IFT88: variants seen among roughly 807,000 people sequenced by gnomAD.
IFT88 encodes intraflagellar transport protein 88 homolog.
A neutral mutation model predicts 119.5 loss-of-function variants in IFT88; 74 were observed. The observed-to-expected ratio is 0.62, with a 90% CI of 0.51 to 0.75. IFT88 has a LOEUF of 0.75. Ranked by LOEUF, IFT88 falls within the 30% of genes least tolerant of loss-of-function variation. IFT88 has a pLI of 0.00. For synonymous variants in IFT88, 279 were observed against 316.7 expected, an observed-to-expected ratio of 0.88 and a Z score of 1.26; for missense variants, 961 against 977.7, an observed-to-expected ratio of 0.98 and a Z score of 0.23.
intron 13 of IFT88, among the ~76,000 whole-genome samples, chr13:20,608,797 A>C (rs1397509991): frequency 1.3e-5 from 2 of 152,218 alleles, no homozygotes; most frequent in Non-Finnish European, 2.9e-5. Context: ...TGCAATTAGC[A>C]TCCAATTCTT....
At chr13:20,630,206 A>G (rs997725024) in intron 15 of IFT88, among the ~76,000 whole-genome samples, 3 of 152,098 alleles carry the variant, frequency 2.0e-5, no homozygotes, top group African/African-American at 7.2e-5. Context: ...ATGCTCCCGT[A>G]AGTCTCTTGT....
rs759466614 is a variant in IFT88 at position 20,638,443 on chromosome 13, T to C, written c.1498T>C (p.Tyr500His). The change falls in exon 17 of 26, where the codon TAT becomes CAT. Residue 500 changes from tyrosine to histidine, a missense_variant. Transcript: ENST00000351808. ...KGNTVFANGD[Y>H]EKAAEFYKEA... is the part of the protein sequence containing the mutation. ...GAATACAGTTTTTGCAAATGGTGAT[T>C]ATGAGAAGGCCGCTGAATTCTATAA... is the stretch of plus-strand genomic sequence containing the variant. 25 of 1,532,408 alleles carry C rather than the reference T, an allele frequency of 1.6e-5. 1 individual carries two copies. In the East Asian group the frequency reaches 5.4e-4, roughly 33 times the overall value. The allele number at this position is 1,532,408 out of a possible 1,614,324, so 94.9% of individuals were successfully genotyped here. A position where few individuals can be genotyped will look rare whatever the true frequency, so the allele number is the denominator to read the frequency against.
At position 20,626,043 on chromosome 13, in the gene IFT88, C is replaced by CTTTTTTTTTTTTTTT. The variant is rs528587128; in HGVS notation, c.1299+215_1299+229dup. ...ATTAATTTTTGCCTGTTTGTCGTTT[C>CTTTTTTTTTTTTTTT]TTTTTTTTTTTTTTTTTTTTTTTTT... On this transcript the variant is annotated intron_variant, in intron 15 of 25. Coordinates refer to ENST00000351808, the MANE Select transcript of IFT88 (RefSeq NM_006531.5). 1.0e-4 allele frequency among the ~76,000 whole-genome samples: 4 copies of CTTTTTTTTTTTTTTT among 39,574 alleles called. 1 individual carries two copies. Among genetic ancestry groups the CTTTTTTTTTTTTTTT allele is most frequent in the African/African-American group, 4.7e-4 (4 of 8,582 alleles). The allele number at this position is 39,574 out of a possible 152,430, so 26.0% of individuals were successfully genotyped here.
intron 22 of IFT88, among the ~76,000 whole-genome samples, chr13:20,661,786 T>G (rs1468656658): frequency 1.3e-5 from 2 of 152,128 alleles, no homozygotes; most frequent in South Asian, 4.1e-4. Flanking sequence ...AATTAAATTT[T>G]AGGAATGTTT....
Position 20,671,935 on chromosome 13 carries a change from A to C in IFT88, c.2242+896A>C, listed in dbSNP as rs146479969. ...TTAGGCAGGCCTTTCATCCATTCACAGTGTTTATTGGATGCATACTGTGTG... is the reference window on the plus strand; with the variant it reads ...TTAGGCAGGCCTTTCATCCATTCACCGTGTTTATTGGATGCATACTGTGTG... On this transcript the variant is annotated intron_variant, in intron 24 of 25. Transcript: ENST00000351808. Among the ~76,000 whole-genome samples the C allele has an allele frequency of 1.0e-2, 1,519 of 152,264 alleles. 25 individuals are homozygous for C. Among genetic ancestry groups the C allele is most frequent in the African/African-American group, 0.034 (1,427 of 41,554 alleles).
intron 3 of IFT88, among the ~76,000 whole-genome samples, chr13:20,587,901 A>G (rs1011495382): frequency 6.6e-6 from 1 of 151,562 alleles, no homozygotes; most frequent in Non-Finnish European, 1.5e-5. Flanking sequence ...TATTTTTTTA[A>G]TAGTCTAACA....
Position 20,690,709 on chromosome 13 carries a change from T to C in IFT88, c.2247T>C (p.Ser749=). The C allele has an allele frequency of 6.2e-7, 1 of 1,605,072 alleles. No individual in the cohort carries two copies. Among genetic ancestry groups the C allele is most frequent in the Non-Finnish European group, 8.5e-7 (1 of 1,172,088 alleles). The change falls in exon 25 of 26, where the codon AGT becomes AGC. Residue 749 remains serine (S), a synonymous_variant. Coordinates refer to ENST00000351808, the MANE Select transcript of IFT88 (RefSeq NM_006531.5). ...GKREGSASGD[S]GQNYSASSKG... ...TTTTTATTTTCGTGTTTTCAGATAGTGGCCAGAACTATAGTGCCAGTAGTA... is the reference window on the plus strand; with the variant it reads ...TTTTTATTTTCGTGTTTTCAGATAGCGGCCAGAACTATAGTGCCAGTAGTA...
At chr13:20,585,799 A>G (rs1278451681) in intron 3 of IFT88, among the ~76,000 whole-genome samples, 1 of 152,234 alleles carries the variant, frequency 6.6e-6, no homozygotes, top group Non-Finnish European at 1.5e-5. Flanking sequence ...TACACATTCT[A>G]AAACCCATAT....
intron 9 of IFT88, among the ~76,000 whole-genome samples, chr13:20,597,375 G>A (rs1593993707): frequency 6.6e-6 from 1 of 152,094 alleles, no homozygotes; most frequent in Non-Finnish European, 1.5e-5. Context: ...GGGAGGTCAA[G>A]GTGGGAGGAT....
At chr13:20,578,220 A>G (rs747683059) in intron 2 of IFT88, among the ~76,000 whole-genome samples, 6 of 146,786 alleles carry the variant, frequency 4.1e-5, no homozygotes, top group Non-Finnish European at 9.0e-5. Flanking sequence ...AATTTTTTGT[A>G]TTTTTTTTAG....
At chr13:20,639,563 A>G (rs2049536947) in intron 17 of IFT88, among the ~76,000 whole-genome samples, 1 of 152,200 alleles carries the variant, frequency 6.6e-6, no homozygotes, top group African/African-American at 2.4e-5. Flanking sequence ...GTATGTTTCA[A>G]GTCATAGAAG....
chr13:20,685,985 A>G (rs2057875110), intron 24 of IFT88, among the ~76,000 whole-genome samples: 1 of 152,248 alleles, frequency 6.6e-6, no homozygotes, highest in Non-Finnish European at 1.5e-5. Context: ...TGGTAGAAAC[A>G]TTGGGAATAA....
chr13:20,648,248 T>C (rs1391294331), intron 20 of IFT88, among the ~76,000 whole-genome samples: 2 of 151,978 alleles, frequency 1.3e-5, no homozygotes, highest in Non-Finnish European at 2.9e-5. Flanking sequence ...ATACAAAAAT[T>C]AGCTGGGTGT....
At chr13:20,622,582 A>T (rs1187204056) in intron 14 of IFT88, among the ~76,000 whole-genome samples, 3 of 152,206 alleles carry the variant, frequency 2.0e-5, no homozygotes, top group Admixed American at 1.3e-4. Context: ...ATGACATATG[A>T]TGTCGAGCAT....
chr13:20,650,719 G>A (rs913399907), intron 20 of IFT88, among the ~76,000 whole-genome samples: 7 of 151,870 alleles, frequency 4.6e-5, no homozygotes, highest in South Asian at 2.1e-4. Flanking sequence ...AATCCCTAAG[G>A]AATCCACATA....
intron 7 of IFT88, among the ~76,000 whole-genome samples, chr13:20,595,924 G>A (rs1348745991): frequency 6.6e-6 from 1 of 152,040 alleles, no homozygotes; most frequent in Non-Finnish European, 1.5e-5. Context: ...GCATGCACCT[G>A]TAGTCCTAGC....
At chr13:20,657,565 A>C (rs571276711) in intron 22 of IFT88, among the ~76,000 whole-genome samples, 1 of 152,316 alleles carries the variant, frequency 6.6e-6, no homozygotes, top group South Asian at 2.1e-4. Context: ...TGAAAGACAC[A>C]GTAGATACTT....
intron 2 of IFT88, among the ~76,000 whole-genome samples, chr13:20,574,700 A>G (rs1162635744): frequency 2.0e-5 from 3 of 152,246 alleles, no homozygotes; most frequent in African/African-American, 7.2e-5. Context: ...AAGGTGAATT[A>G]TATATACTTG....
intron 14 of IFT88, among the ~76,000 whole-genome samples, chr13:20,623,391 G>T (rs1464785602): frequency 6.6e-6 from 1 of 152,158 alleles, no homozygotes; most frequent in African/African-American, 2.4e-5. Context: ...TGAATTCATA[G>T]ATTGCTTTGA....
Sources: allele counts gnomAD v4.1 joint callset (sites outside exome capture counted in the v4.1 genomes callset), GRCh38; gene constraint gnomAD v4.1.1; transcripts MANE v1.5; gene names NCBI Gene and HGNC (gene_info 2026-07-23, HGNC 2026-07-21).